FAF2: variants seen among roughly 807,000 people sequenced by gnomAD.
The protein encoded by FAF2 is Fas associated factor family member 2.
FAF2 carries 9 observed loss-of-function variants against 62.3 expected under a neutral mutation model. The ratio of observed to expected loss-of-function variants is 0.14; its 90% CI spans 0.09 to 0.25. FAF2 has a LOEUF of 0.25. Among genes scored for constraint, FAF2 ranks in the 10% least tolerant of loss-of-function variants. The pLI, the probability that FAF2 is intolerant of heterozygous loss-of-function variation, is 1.00. For synonymous variants in FAF2, 202 were observed against 198.0 expected (o/e 1.02, Z -0.17); for missense variants, 368 against 556.2 (o/e 0.66, Z 3.40).
At chr5:176,497,959 G>A (rs1266375373) in intron 8 of FAF2, among the ~76,000 whole-genome samples, 7 of 152,070 alleles carry the variant, frequency 4.6e-5, no homozygotes, top group South Asian at 2.1e-4. Flanking sequence ...AGGTCAGCCC[G>A]GGCAACATGG....
At chr5:176,479,145 G>A (rs776558557) in intron 1 of FAF2, 43 bp from the exon 2 acceptor site, 3 of 1,514,872 alleles carry the variant, frequency 2.0e-6, no homozygotes, top group Non-Finnish European at 2.8e-6. Flanking sequence ...CACGTATACT[G>A]TTGGTTTTTC....
Position 176,507,526 on chromosome 5 carries a change from A to T in FAF2, c.*576A>T, listed in dbSNP as rs189768289. On this transcript the variant is annotated 3_prime_UTR_variant, in exon 11 of 11. Coordinates refer to ENST00000261942, the MANE Select transcript of FAF2 (RefSeq NM_014613.3). ...GAGGCTGACATAGGTATATATATAT[A>T]TTTTTTTCCTTTATTTGATAAAGAG... 822 of 166,322 alleles carry T rather than the reference A, an allele frequency of 4.9e-3. 6 individuals carry two copies. Among genetic ancestry groups the T allele is most frequent in the Non-Finnish European group, 6.3e-3 (480 of 76,066 alleles). The allele number at this position is 166,322 out of a possible 1,614,324, so 10.3% of individuals were successfully genotyped here.
chr5:176,486,170 A>T (rs1046607923), intron 2 of FAF2, among the ~76,000 whole-genome samples, 185 bp from the exon 3 acceptor site: 1 of 152,170 alleles, frequency 6.6e-6, no homozygotes, highest in African/African-American at 2.4e-5. Context: ...TGCATTCTGG[A>T]GTGACAACTC....
intron 1 of FAF2, among the ~76,000 whole-genome samples, chr5:176,464,116 C>CT (rs916187362): frequency 4.0e-5 from 6 of 151,822 alleles, no homozygotes; most frequent in Admixed American, 6.6e-5. Flanking sequence ...TCCACTTATT[C>CT]TTTTTTTTGT....
At chr5:176,465,232 T>C (rs1327652483) in intron 1 of FAF2, among the ~76,000 whole-genome samples, 1 of 152,098 alleles carries the variant, frequency 6.6e-6, no homozygotes, top group Non-Finnish European at 1.5e-5. Context: ...CCCAAACCCT[T>C]TGTCCATAGA....
intron 10 of FAF2, among the ~76,000 whole-genome samples, chr5:176,503,555 C>A (rs1191221900): frequency 3.0e-5 from 4 of 133,410 alleles, no homozygotes; most frequent in Non-Finnish European, 4.8e-5. Flanking sequence ...AATTCTGTCT[C>A]AAAAAAAAAA....
At chr5:176,491,897 C>A (rs756974119) in intron 4 of FAF2, among the ~76,000 whole-genome samples, 4 of 152,144 alleles carry the variant, frequency 2.6e-5, no homozygotes, top group Non-Finnish European at 5.9e-5. Flanking sequence ...TCTTCCCTTC[C>A]AAACCCTTCT....
chr5:176,472,197 C>T (rs1378887608), intron 1 of FAF2, among the ~76,000 whole-genome samples: 1 of 151,884 alleles, frequency 6.6e-6, no homozygotes. Context: ...GTGGTGCTAT[C>T]TCAGCTCACT....
intron 1 of FAF2, among the ~76,000 whole-genome samples, chr5:176,477,293 G>A (rs576903058): frequency 4.7e-4 from 66 of 139,312 alleles, no homozygotes; most frequent in African/African-American, 1.8e-3. Context: ...AACCATGTTG[G>A]CCAGGCTGGT....
chr5:176,494,352 T>C lies in FAF2; in HGVS notation c.661+77T>C. On this transcript the variant is annotated intron_variant, in intron 7 of 10. Transcript: ENST00000261942. The surrounding 1 kb of genome is among the most constrained non-coding windows in gnomAD (Gnocchi z 4.0). ...AGTCTGGAAAGACATGCCATGCCATTTATTACAAGTGTGTTTGTTCTGTGG... is the reference window on the plus strand; with the variant it reads ...AGTCTGGAAAGACATGCCATGCCATCTATTACAAGTGTGTTTGTTCTGTGG... The C allele has an allele frequency of 8.4e-7, 1 of 1,194,650 alleles. No individual in the cohort carries two copies. The highest frequency in any genetic ancestry group is 1.7e-5 in the Admixed American group (1 of 59,184). The allele number at this position is 1,194,650 out of a possible 1,614,324, so 74.0% of individuals were successfully genotyped here.
chr5:176,451,813 CACATATATATATAT>C (rs1452934676), intron 1 of FAF2, among the ~76,000 whole-genome samples: 1 of 42,682 alleles, frequency 2.3e-5, no homozygotes, highest in Non-Finnish European at 4.8e-5. Flanking sequence ...TATATATACA[CACATATATATATAT>C]ACATATATAT....
At chr5:176,501,619 A>G (rs576723447) in intron 10 of FAF2, among the ~76,000 whole-genome samples, 2 of 152,388 alleles carry the variant, frequency 1.3e-5, no homozygotes, top group Non-Finnish European at 2.9e-5. Flanking sequence ...ATTGGCCAGT[A>G]CAGAATGTAA....
intron 10 of FAF2, among the ~76,000 whole-genome samples, chr5:176,506,209 A>AAAC (rs1554133982): frequency 6.9e-5 from 10 of 145,040 alleles, no homozygotes; most frequent in African/African-American, 2.7e-4. Flanking sequence ...AAAAAAAACA[A>AAAC]AAAAAAAAAA....
intron 7 of FAF2, among the ~76,000 whole-genome samples, chr5:176,495,808 G>T (rs1581074022): frequency 2.0e-5 from 3 of 151,970 alleles, no homozygotes; most frequent in South Asian, 4.2e-4. Flanking sequence ...TACCAGCCCA[G>T]CCTCAACTTT....
At chr5:176,477,289 G>A (rs1411271938) in intron 1 of FAF2, among the ~76,000 whole-genome samples, 2 of 124,830 alleles carry the variant, frequency 1.6e-5, no homozygotes, top group African/African-American at 3.1e-5. Flanking sequence ...TTTTAACCAT[G>A]TTGGCCAGGC....
Position 176,494,246 on chromosome 5 carries a change from G to C in FAF2, c.632G>C (p.Cys211Ser). The C allele has an allele frequency of 6.2e-7, 1 of 1,613,912 alleles. No individual in the cohort carries two copies. The highest frequency in any genetic ancestry group is 8.5e-7 in the Non-Finnish European group (1 of 1,179,894). Reference protein sequence around the residue: ...LINTRMLFWACSTNKPEGYRV... With the variant: ...LINTRMLFWASSTNKPEGYRV... The stretch of plus-strand genomic sequence containing the variant: ...AACACTAGGATGCTCTTCTGGGCAT[G>C]CTCTACAAACAAACCTGAGGGATAC... Residue 211 changes from cysteine (C) to serine (S), a missense_variant, in exon 7 of 11, where the codon TGC (cysteine) becomes TCC (serine). Physicochemically the swap from Cys to Ser is moderately radical, Grantham distance 112. Transcript: ENST00000261942. The surrounding 1 kb of genome is among the most constrained non-coding windows in gnomAD (Gnocchi z 4.0).
chr5:176,465,493 G>A (rs1182608665), intron 1 of FAF2, among the ~76,000 whole-genome samples: 1 of 149,208 alleles, frequency 6.7e-6, no homozygotes, highest in Non-Finnish European at 1.5e-5. Flanking sequence ...TCAACCTCTT[G>A]AGTAGCTGAG....
intron 1 of FAF2, among the ~76,000 whole-genome samples, chr5:176,476,048 G>A (rs971338531): frequency 6.6e-6 from 1 of 152,098 alleles, no homozygotes; most frequent in African/African-American, 2.4e-5. Flanking sequence ...TTGAGCCCAG[G>A]AGTTCAAGGC....
intron 1 of FAF2, among the ~76,000 whole-genome samples, chr5:176,457,565 G>A (rs766808094): frequency 2.0e-5 from 3 of 151,922 alleles, no homozygotes; most frequent in East Asian, 1.9e-4. Flanking sequence ...TCTAGTTGTC[G>A]TTTCTCCAAC....
Sources: gnomAD v4.1 joint callset for allele counts (sites outside exome capture counted in the v4.1 genomes callset) on GRCh38, gnomAD v4.1.1 for gene constraint, Gnocchi (gnomAD v3.1) non-coding constraint, MANE v1.5 for transcripts, NCBI Gene and HGNC (gene_info 2026-07-23, HGNC 2026-07-21) for gene names.